The following SEC63 variants were observed in gnomAD, a reference collection of about 807,000 sequenced individuals.
SEC63 encodes the protein SEC63 protein translocation regulator.
In SEC63, 56 loss-of-function variants were observed where a neutral mutation model predicts 116.2. That is an observed-to-expected ratio of 0.48 (90% CI 0.39 to 0.60). SEC63 has a LOEUF of 0.60. Ranked by LOEUF, SEC63 falls within the 20% of genes least tolerant of loss-of-function variation. The pLI is 0.00. For missense variants in SEC63, 668 were observed against 900.0 expected (o/e 0.74, Z 3.30); for synonymous variants, 273 against 294.6 (o/e 0.93, Z 0.75).
chr6:107,929,605 C>A, intron 1 of SEC63, 91 bp from the exon 2 acceptor site: 1 of 742,992 alleles, frequency 1.3e-6, no homozygotes, highest in Non-Finnish European at 2.4e-6. Context: ...TTCATTACCA[C>A]GCTAATAGTT....
chr6:107,873,638 A>AG (rs1786186126), intron 19 of SEC63, among the ~76,000 whole-genome samples: 1 of 151,960 alleles, frequency 6.6e-6, no homozygotes, highest in Non-Finnish European at 1.5e-5. Context: ...CTATTAAAAA[A>AG]AAATTCTTTA....
At chr6:107,872,550 G>C (rs1786160080) in intron 20 of SEC63, among the ~76,000 whole-genome samples, 2 of 151,290 alleles carry the variant, frequency 1.3e-5, no homozygotes, top group Non-Finnish European at 2.9e-5. Context: ...CATTTGCTGA[G>C]GCCTTATAAA....
At chr6:107,876,410 CA>C (rs1786267505) in intron 19 of SEC63, among the ~76,000 whole-genome samples, 153 bp downstream of exon 19, 1 of 151,944 alleles carries the variant, frequency 6.6e-6, no homozygotes, top group Non-Finnish European at 1.5e-5. Context: ...CCAATGAGCT[CA>C]CCCCAAAATA....
At chr6:107,900,256 T>G (rs1040817481) in intron 13 of SEC63, among the ~76,000 whole-genome samples, 1 of 151,854 alleles carries the variant, frequency 6.6e-6, no homozygotes, top group Non-Finnish European at 1.5e-5. Flanking sequence ...TGCCTTGGCC[T>G]CCCAAAGTGT....
At chr6:107,952,654 A>G (rs1413935258) in intron 1 of SEC63, among the ~76,000 whole-genome samples, 1 of 152,110 alleles carries the variant, frequency 6.6e-6, no homozygotes, top group Non-Finnish European at 1.5e-5. Flanking sequence ...GCTACTTGGG[A>G]GGCCGAGGTG....
chr6:107,906,028 T>C (rs934220671), intron 10 of SEC63, among the ~76,000 whole-genome samples: 12 of 152,172 alleles, frequency 7.9e-5, no homozygotes, highest in Admixed American at 3.9e-4. Context: ...TGTTGAATGG[T>C]AATCCCCAAT....
intron 8 of SEC63, 70 bp downstream of exon 8, chr6:107,908,857 A>C (rs962379995): frequency 1.7e-5 from 14 of 810,192 alleles, no homozygotes; most frequent in Middle Eastern, 3.0e-4. Context: ...AGAGTTAAGG[A>C]ATATATATCA....
intron 19 of SEC63, among the ~76,000 whole-genome samples, chr6:107,875,366 C>G (rs756077727): frequency 6.6e-5 from 10 of 152,042 alleles, no homozygotes; most frequent in Non-Finnish European, 1.3e-4. Context: ...TTTCATGATA[C>G]CATGCTTGTT....
intron 1 of SEC63, among the ~76,000 whole-genome samples, chr6:107,938,112 C>T (rs1770296320): frequency 6.6e-6 from 1 of 152,136 alleles, no homozygotes; most frequent in Non-Finnish European, 1.5e-5. Flanking sequence ...CTTTTAAATG[C>T]ATCCAAAGAA....
intron 16 of SEC63, among the ~76,000 whole-genome samples, chr6:107,884,445 A>C (rs1261362901): frequency 6.6e-6 from 1 of 152,152 alleles, no homozygotes; most frequent in African/African-American, 2.4e-5. Flanking sequence ...AAAATTATGA[A>C]TAATGTTACG....
intron 14 of SEC63, among the ~76,000 whole-genome samples, chr6:107,895,277 C>T (rs1383462743): frequency 6.6e-6 from 1 of 152,196 alleles, no homozygotes; most frequent in Non-Finnish European, 1.5e-5. Context: ...GATTTGGATT[C>T]TAAACCCAAT....
intron 1 of SEC63, among the ~76,000 whole-genome samples, chr6:107,943,078 A>G (rs769831505): frequency 1.3e-5 from 2 of 152,208 alleles, no homozygotes; most frequent in Non-Finnish European, 2.9e-5. Flanking sequence ...ATCACTTTCT[A>G]TGGTGATATG....
intron 1 of SEC63, among the ~76,000 whole-genome samples, chr6:107,951,898 A>G (rs1002810391): frequency 1.3e-5 from 2 of 151,462 alleles, no homozygotes; most frequent in African/African-American, 4.9e-5. Context: ...GGGTGAACCC[A>G]GGAGGCAGAC....
chr6:107,879,963 C>G (rs1401688575), intron 18 of SEC63, among the ~76,000 whole-genome samples: 1 of 152,184 alleles, frequency 6.6e-6, no homozygotes, highest in Non-Finnish European at 1.5e-5. Context: ...ATGAAACTGT[C>G]TGTTACATGG....
Position 107,902,954 on chromosome 6 carries a change from T to G in SEC63, c.1099A>C (p.Met367Leu). Residue 367 changes from methionine to leucine, a missense_variant, in exon 12 of 21, where the codon ATG (methionine) becomes CTG (leucine). Physicochemically the swap from Met to Leu is conservative, Grantham distance 15 (BLOSUM62 2). This residue lies in a region of SEC63 where 430 missense variants were observed against 557.5 expected (regional missense o/e 0.77). Transcript: ENST00000369002. ...TGAACGGCCATCTGAGAAAGCTTCA[T>G]GCAGTTTTCTAGGGATGCCAAAGTT... ...APTLASLENC[M>L]KLSQMAVQGL... The G allele has an allele frequency of 1.2e-6, 2 of 1,614,102 alleles. No individual in the cohort carries two copies. Among genetic ancestry groups the G allele is most frequent in the Non-Finnish European group, 8.5e-7 (1 of 1,179,976 alleles).
chr6:107,881,346 C>T (rs1169597820), intron 17 of SEC63, 96 bp from the exon 18 acceptor site: 2 of 819,418 alleles, frequency 2.4e-6, no homozygotes, highest in African/African-American at 3.4e-5. Context: ...TAATTAACTA[C>T]TTAGGATTAG....
intron 14 of SEC63, among the ~76,000 whole-genome samples, chr6:107,897,277 T>C (rs543260373): frequency 1.2e-3 from 183 of 152,298 alleles, no homozygotes; most frequent in African/African-American, 4.0e-3. Context: ...TTTATTGTAA[T>C]TCTTAGATTT....
intron 4 of SEC63, among the ~76,000 whole-genome samples, chr6:107,919,130 C>T (rs1463820689): frequency 1.3e-5 from 2 of 152,026 alleles, no homozygotes; most frequent in African/African-American, 4.8e-5. Context: ...AGGCTGGTCT[C>T]AAACTCCTCA....
intron 1 of SEC63, among the ~76,000 whole-genome samples, chr6:107,951,094 T>C (rs1770570027): frequency 6.6e-6 from 1 of 152,194 alleles, no homozygotes; most frequent in Non-Finnish European, 1.5e-5. Context: ...AGAACACTTC[T>C]CATTTTAAAA....
Sources: gnomAD v4.1 joint callset for allele counts (sites outside exome capture counted in the v4.1 genomes callset) on GRCh38, gnomAD v4.1.1 for gene constraint, gnomAD v4.1.1 regional missense constraint, MANE v1.5 for transcripts, NCBI Gene and HGNC (gene_info 2026-07-23, HGNC 2026-07-21) for gene names.